Variants in ANKRD28 observed in about 807,000 individuals in gnomAD.
ANKRD28 encodes the protein serine/threonine-protein phosphatase 6 regulatory ankyrin repeat subunit A.
A neutral mutation model predicts 126.5 loss-of-function variants in ANKRD28; 44 were observed. The observed-to-expected ratio is 0.35, with a 90% CI of 0.27 to 0.45. The LOEUF is 0.45. Among genes scored for constraint, ANKRD28 ranks in the 20% least tolerant of loss-of-function variants. The probability of loss-of-function intolerance (pLI) is 1.00; values close to 1 mark genes in which losing one functional copy is unlikely to be tolerated. For synonymous variants in ANKRD28, 442 were observed against 468.5 expected, an observed-to-expected ratio of 0.94 and a Z score of 0.73; for missense variants, 1,110 against 1,316.6, an observed-to-expected ratio of 0.84 and a Z score of 2.43.
chr3:15,816,972 G>C lies in ANKRD28; in HGVS notation c.28-21666C>G, dbSNP rs2060844424. Among the ~76,000 whole-genome samples, 1 of 152,132 alleles carries C rather than the reference G, an allele frequency of 6.6e-6. No individual in the cohort carries two copies. The highest frequency in any genetic ancestry group is 1.5e-5 in the Non-Finnish European group (1 of 68,024). On this transcript the variant is annotated intron_variant, in intron 1 of 27. Coordinates refer to the ANKRD28 transcript ENST00000399451. This position sits in a 1 kb window ranked among gnomAD's most constrained non-coding sequence, Gnocchi z 5.0. ...GCACTTTGGGAGGCCAAAGTGAGAG[G>C]ATCACTTCAGCTCAGGAGTTGGAGA...
At chr3:15,818,817 T>G (rs55912411) in intron 1 of ANKRD28, among the ~76,000 whole-genome samples, 3,476 of 152,312 alleles carry the variant, frequency 0.023, 142 homozygotes, top group African/African-American at 0.077. Flanking sequence ...TAATTTCAAT[T>G]TTTCCTCATT....
Position 15,846,444 on chromosome 3 carries a change from C to A in ANKRD28, c.27+12933G>T, listed in dbSNP as rs1263729904. 6.6e-6 allele frequency among the ~76,000 whole-genome samples: 1 copy of A among 152,216 alleles called. No individual in the cohort carries two copies. The highest frequency in any genetic ancestry group is 2.4e-5 in the African/African-American group (1 of 41,452). On this transcript the variant is annotated intron_variant, in intron 1 of 27. Coordinates refer to the ANKRD28 transcript ENST00000399451. This position sits in a 1 kb window ranked among gnomAD's most constrained non-coding sequence, Gnocchi z 5.4. ...GGGCAGCTCTGCCCCTGTGGCTCTGCAGGGTAAAGCCCCCGAGGCTGCTTT... is the reference window on the plus strand; with the variant it reads ...GGGCAGCTCTGCCCCTGTGGCTCTGAAGGGTAAAGCCCCCGAGGCTGCTTT...
chr3:15,694,038 C>CTGAT (rs1232309054), intron 17 of ANKRD28, among the ~76,000 whole-genome samples: 1 of 152,052 alleles, frequency 6.6e-6, no homozygotes, highest in African/African-American at 2.4e-5. Flanking sequence ...CCCTGGTCTC[C>CTGAT]TGATTCTCAA....
In ANKRD28 at chr3:15,797,543, GC is replaced by G; in HGVS notation, c.-1023del. On this transcript the variant is annotated 5_prime_UTR_variant, in exon 1 of 28. The change creates a premature stop within an existing upstream ORF in the 5' untranslated region. Coordinates refer to ENST00000683139, the MANE Select transcript of ANKRD28 (RefSeq NM_001349278.2). ...ATTTGAGCTCAAATTACTGCTTCAG[GC>G]TTTTTGTTTTCTTTAAAAAAAAAAA... 1.0e-6 allele frequency: 1 copy of G among 984,310 alleles called. No homozygotes were observed. The highest frequency in any genetic ancestry group is 1.2e-6 in the Non-Finnish European group (1 of 829,760). The allele number at this position is 984,310 out of a possible 1,614,324, so 61.0% of individuals were successfully genotyped here.
At chr3:15,857,565 G>A (rs551251545) in intron 1 of ANKRD28, among the ~76,000 whole-genome samples, 12 of 152,346 alleles carry the variant, frequency 7.9e-5, no homozygotes, top group African/African-American at 2.2e-4. Flanking sequence ...GATTACAGGC[G>A]TGAGCCACCG....
chr3:15,714,073 T>G (rs2126091347), intron 9 of ANKRD28, among the ~76,000 whole-genome samples: 1 of 152,314 alleles, frequency 6.6e-6, no homozygotes, highest in Non-Finnish European at 1.5e-5. Context: ...TGAGGATAAA[T>G]TTCTTGGAAT....
intron 4 of ANKRD28, among the ~76,000 whole-genome samples, chr3:15,748,442 A>T (rs371030733): frequency 6.6e-6 from 1 of 152,192 alleles, no homozygotes; most frequent in African/African-American, 2.4e-5. Flanking sequence ...ACCCTCCTTC[A>T]TTCATGAAGC....
chr3:15,780,040 C>T (rs2059471314), intron 2 of ANKRD28, among the ~76,000 whole-genome samples: 1 of 152,172 alleles, frequency 6.6e-6, no homozygotes, highest in Non-Finnish European at 1.5e-5. Context: ...ACCCTCACCA[C>T]TCCTATCCAC....
intron 1 of ANKRD28, among the ~76,000 whole-genome samples, chr3:15,813,384 C>A (rs568750866): frequency 6.6e-6 from 1 of 152,106 alleles, no homozygotes; most frequent in Admixed American, 6.6e-5. Flanking sequence ...AAACAAAAAC[C>A]AAAACCCCAA....
chr3:15,798,120 C>T (rs960241039), upstream of ANKRD28: 49 of 985,292 alleles, frequency 5.0e-5, no homozygotes, highest in African/African-American at 6.6e-4. Flanking sequence ...AAAATGAGTG[C>T]GCTTTTAACA....
chr3:15,739,956 A>G (rs1317140575), intron 4 of ANKRD28, among the ~76,000 whole-genome samples: 1 of 152,250 alleles, frequency 6.6e-6, no homozygotes, highest in African/African-American at 2.4e-5. Flanking sequence ...AATCCATCCA[A>G]GAATGCTCAT....
rs2060841799 is a variant in ANKRD28, at chr3:15,816,861, A to G, written c.28-21555T>C. Among the ~76,000 whole-genome samples, 1 of 152,210 alleles carries G rather than the reference A, an allele frequency of 6.6e-6. No homozygotes were observed. The highest frequency in any genetic ancestry group is 1.5e-5 in the Non-Finnish European group (1 of 68,034). ...ATGTGCATAGGTTGTGCATAGATTA[A>G]TCATAGAGTTAAAACACATCTGAAA... On this transcript the variant is annotated intron_variant, in intron 1 of 27. Transcript: ENST00000399451. The surrounding 1 kb of genome is among the most constrained non-coding windows in gnomAD (Gnocchi z 5.0).
Position 15,830,797 on chromosome 3 carries a change from T to C in ANKRD28, c.27+28580A>G, listed in dbSNP as rs531268116. Among the ~76,000 whole-genome samples, 9 of 151,894 alleles carry C rather than the reference T, an allele frequency of 5.9e-5. No homozygotes were observed. Among genetic ancestry groups the C allele is most frequent in the African/African-American group, 2.2e-4 (9 of 41,462 alleles). Reference sequence around the variant, plus strand: ...TGGTCCATGACAGATAGTCTAACAATATGATTCTTGGTGGGACCTTTAAGT... The same window carrying C: ...TGGTCCATGACAGATAGTCTAACAACATGATTCTTGGTGGGACCTTTAAGT... On this transcript the variant is annotated intron_variant, in intron 1 of 27. Coordinates refer to the ANKRD28 transcript ENST00000399451. This position sits in a 1 kb window ranked among gnomAD's most constrained non-coding sequence, Gnocchi z 4.5.
chr3:15,769,172 A>G (rs2125582860), intron 2 of ANKRD28, among the ~76,000 whole-genome samples: 1 of 152,314 alleles, frequency 6.6e-6, no homozygotes, highest in Middle Eastern at 3.4e-3. Context: ...TCTGTGTGTG[A>G]GGGATGTCTG....
chr3:15,751,739 A>C lies in ANKRD28; in HGVS notation c.351+11T>G. 1 of 1,550,070 alleles carries C rather than the reference A, an allele frequency of 6.5e-7. No homozygotes were observed. The highest frequency in any genetic ancestry group is 8.8e-7 in the Non-Finnish European group (1 of 1,142,174). On this transcript the variant is annotated intron_variant, in intron 4 of 27. Transcript: ENST00000683139. The stretch of plus-strand genomic sequence containing the variant: ...TCATATAAAACATATTTACTAAGAG[A>C]AATTTCATACCTCACTACAAGATGC...
chr3:15,693,376 C>T (rs577260407), intron 17 of ANKRD28, among the ~76,000 whole-genome samples: 2 of 151,700 alleles, frequency 1.3e-5, no homozygotes, highest in East Asian at 1.9e-4. Context: ...ATGTATAGCA[C>T]ACTGTTAACT....
intron 14 of ANKRD28, among the ~76,000 whole-genome samples, chr3:15,703,011 T>C (rs918909867): frequency 6.6e-6 from 1 of 152,178 alleles, no homozygotes; most frequent in African/African-American, 2.4e-5. Flanking sequence ...AGAGGTTAAG[T>C]AATTTGCTGA....
At chr3:15,800,680 G>A (rs2060445288), upstream of ANKRD28, among the ~76,000 whole-genome samples, 1 of 152,026 alleles carries the variant, frequency 6.6e-6, no homozygotes, top group African/African-American at 2.4e-5. Flanking sequence ...AGTGTTAATT[G>A]GGGAGAGGGA....
rs570353481 is a variant in ANKRD28 at position 15,677,183 on chromosome 3, G to A, written c.2791-127C>T. 6 of 755,248 alleles carry A rather than the reference G, an allele frequency of 7.9e-6. No homozygotes were observed. The East Asian group carries it at 1.0e-4, about 13-fold the overall frequency. The allele number at this position is 755,248 out of a possible 1,614,324, so 46.8% of individuals were successfully genotyped here. On this transcript the variant is annotated intron_variant, in intron 25 of 27. Coordinates refer to ENST00000683139, the MANE Select transcript of ANKRD28 (RefSeq NM_001349278.2). The stretch of plus-strand genomic sequence containing the variant: ...CATACATATACCATGAATTTTCCTG[G>A]CTAATATCTTAATATTTGCCCAAAC...
Sources: allele counts gnomAD v4.1 joint callset (sites outside exome capture counted in the v4.1 genomes callset), GRCh38; gene constraint gnomAD v4.1.1; non-coding constraint Gnocchi (gnomAD v3.1); transcripts MANE v1.5; gene names NCBI Gene and HGNC (gene_info 2026-07-23, HGNC 2026-07-21).